FREM2: variants seen among roughly 807,000 people sequenced by gnomAD.
FREM2 encodes the protein FRAS1-related extracellular matrix protein 2.
In FREM2, 119 loss-of-function variants were observed where a neutral mutation model predicts 219.9. The ratio of observed to expected loss-of-function variants is 0.54; its 90% CI spans 0.47 to 0.63. The LOEUF (loss-of-function observed/expected upper bound fraction) is 0.63, where lower values mean the gene tolerates loss of function less well. Among genes scored for constraint, FREM2 ranks in the 30% least tolerant of loss-of-function variants. The probability of loss-of-function intolerance (pLI) is 0.00; values close to 1 mark genes in which losing one functional copy is unlikely to be tolerated. For synonymous variants in FREM2, 1,562 were observed against 1,522.8 expected, an observed-to-expected ratio of 1.03 and a Z score of -0.60; for missense variants, 4,030 against 3,993.6, an observed-to-expected ratio of 1.01 and a Z score of -0.25.
intron 4 of FREM2, among the ~76,000 whole-genome samples, chr13:38,770,910 G>A (rs1873637826): frequency 6.6e-6 from 1 of 152,090 alleles, no homozygotes; most frequent in Non-Finnish European, 1.5e-5. Flanking sequence ...TTTGAGGGCT[G>A]GCATTTATAC....
chr13:38,843,844 A>T (rs1877050106), intron 6 of FREM2, among the ~76,000 whole-genome samples: 1 of 152,074 alleles, frequency 6.6e-6, no homozygotes, highest in Non-Finnish European at 1.5e-5. Flanking sequence ...GCTGATGCTT[A>T]ACCATTTTTT....
At chr13:38,694,651 G>A (rs185753136) in intron 1 of FREM2, among the ~76,000 whole-genome samples, 2 of 152,310 alleles carry the variant, frequency 1.3e-5, no homozygotes, top group Admixed American at 1.3e-4. Flanking sequence ...GGTAGCTAGA[G>A]AAGGTTATTC....
intron 6 of FREM2, among the ~76,000 whole-genome samples, chr13:38,839,989 G>A (rs1467342423): frequency 6.6e-6 from 1 of 152,038 alleles, no homozygotes; most frequent in African/African-American, 2.4e-5. Flanking sequence ...GGTATTCTGG[G>A]CACCACTGAG....
At chr13:38,765,503 T>G (rs1459865690) in intron 3 of FREM2, among the ~76,000 whole-genome samples, 1 of 152,036 alleles carries the variant, frequency 6.6e-6, no homozygotes, top group East Asian at 1.9e-4. Context: ...AATGATTATT[T>G]TGAAATTTTA....
At chr13:38,784,451 G>A (rs1874244107) in intron 5 of FREM2, 106 bp from the exon 6 acceptor site, 4 of 1,275,532 alleles carry the variant, frequency 3.1e-6, no homozygotes, top group Non-Finnish European at 4.5e-6. Context: ...GGGTGTTCAT[G>A]TCTACTAACT....
At chr13:38,833,082 A>G (rs1876575139) in intron 6 of FREM2, among the ~76,000 whole-genome samples, 1 of 152,156 alleles carries the variant, frequency 6.6e-6, no homozygotes, top group African/African-American at 2.4e-5. Context: ...AGTGTCTTTT[A>G]ACTGCCATTG....
At chr13:38,770,433 A>G (rs995425273) in intron 4 of FREM2, among the ~76,000 whole-genome samples, 5 of 152,020 alleles carry the variant, frequency 3.3e-5, no homozygotes, top group African/African-American at 4.8e-5. Flanking sequence ...TTATAATTCT[A>G]TCATTTAATA....
At position 38,807,188 on chromosome 13, in the gene FREM2, GTTATATATATATATATAT is replaced by G. The variant is rs1297996927; in HGVS notation, c.6019+22381_6019+22398del. Among the ~76,000 whole-genome samples, 55 of 66,410 alleles carry G rather than the reference GTTATATATATATATATAT, an allele frequency of 8.3e-4. 5 individuals carry two copies. Among genetic ancestry groups the G allele is most frequent in the East Asian group, 5.8e-3 (8 of 1,384 alleles). The allele number at this position is 66,410 out of a possible 152,430, so 43.6% of individuals were successfully genotyped here. On this transcript the variant is annotated intron_variant, in intron 6 of 23. Coordinates refer to ENST00000280481, the MANE Select transcript of FREM2 (RefSeq NM_207361.6). ...ACCTTTTTGCAGAGATCTTGTCTCT[GTTATATATATATATATAT>G]ATATATATATATATATATATATGTA...
chr13:38,773,130 T>C (rs920012331), intron 4 of FREM2, among the ~76,000 whole-genome samples: 4 of 152,224 alleles, frequency 2.6e-5, no homozygotes, highest in African/African-American at 7.2e-5. Flanking sequence ...AGATTTTAAA[T>C]GACTATGTAT....
Position 38,850,172 on chromosome 13 carries a change from C to G in FREM2, c.6514C>G (p.Gln2172Glu), listed in dbSNP as rs1877318003. 6.2e-7 allele frequency: 1 copy of G among 1,614,042 alleles called. No homozygotes were observed. Among genetic ancestry groups the G allele is most frequent in the African/African-American group, 1.3e-5 (1 of 75,048 alleles). The change falls in exon 9 of 24, where the codon CAG becomes GAG. Residue 2172 changes from glutamine to glutamate, a missense_variant. Transcript: ENST00000280481. ...ATGCTACACCCGGCAGGGGTCTGCA[C>G]AGGTGATGATGGACTTTGAAGAACG... is the stretch of plus-strand genomic sequence containing the variant. The part of the protein sequence containing the change: ...VRCYTRQGSA[Q>E]VMMDFEERPN...
chr13:38,845,366 T>A (rs1877111126), intron 6 of FREM2, among the ~76,000 whole-genome samples: 1 of 152,166 alleles, frequency 6.6e-6, no homozygotes, highest in Admixed American at 6.5e-5. Flanking sequence ...CTCTGAAACA[T>A]GATATCATGT....
intron 2 of FREM2, among the ~76,000 whole-genome samples, chr13:38,720,261 T>A (rs988701594): frequency 6.6e-6 from 1 of 152,220 alleles, no homozygotes; most frequent in East Asian, 1.9e-4. Context: ...TACTACTATC[T>A]TATTGTTACT....
intron 5 of FREM2, among the ~76,000 whole-genome samples, chr13:38,783,685 T>A (rs967163678): frequency 6.6e-6 from 1 of 152,144 alleles, no homozygotes; most frequent in South Asian, 2.1e-4. Context: ...AGGAAATAAG[T>A]AGATTTTCTA....
intron 4 of FREM2, among the ~76,000 whole-genome samples, chr13:38,770,509 T>C (rs1406797567): frequency 6.6e-6 from 1 of 152,204 alleles, no homozygotes; most frequent in Non-Finnish European, 1.5e-5. Context: ...TCTTAACATA[T>C]CTTTGAAACA....
rs894207458 is a variant in FREM2 at position 38,687,743 on chromosome 13, T to C, written c.399T>C (p.Pro133=). The change falls in exon 1 of 24, where the codon CCT becomes CCC. Residue 133 remains proline, a synonymous_variant. Transcript: ENST00000280481. ...SPKRFPCDFG[P]GEVRYSHLGA... is the part of the protein sequence containing the mutation. ...AGCGCTTCCCGTGCGACTTTGGCCC[T>C]GGCGAGGTGCGCTACTCTCACCTGG... is the stretch of plus-strand genomic sequence containing the variant. The C allele has an allele frequency of 1.9e-6, 3 of 1,544,524 alleles. No individual in the cohort carries two copies. Among genetic ancestry groups the C allele is most frequent in the Non-Finnish European group, 1.8e-6 (2 of 1,142,706 alleles).
intron 11 of FREM2, among the ~76,000 whole-genome samples, chr13:38,852,658 T>A (rs1308424117): frequency 1.3e-5 from 2 of 151,836 alleles, no homozygotes; most frequent in Non-Finnish European, 2.9e-5. Flanking sequence ...CACTTAGAGA[T>A]GTCTTTCATC....
chr13:38,876,181 T>G lies in FREM2; in HGVS notation c.8409+32T>G, dbSNP rs774650154. ...GACTAAGACTCTTAATTAATTTTCTTCTGCTGCTGCCATCTGATTACACCT... is the reference window on the plus strand; with the variant it reads ...GACTAAGACTCTTAATTAATTTTCTGCTGCTGCTGCCATCTGATTACACCT... On this transcript the variant is annotated intron_variant, in intron 19 of 23. Transcript: ENST00000280481. 2.2e-5 allele frequency: 36 copies of G among 1,614,006 alleles called. No homozygotes were observed. In the South Asian group the frequency reaches 3.5e-4, roughly 16 times the overall value.
At position 38,688,977 on chromosome 13, in the gene FREM2, G is replaced by T. The variant is rs114853862; in HGVS notation, c.1633G>T (p.Val545Leu). 2 of 1,613,738 alleles carry T rather than the reference G, an allele frequency of 1.2e-6. No individual in the cohort carries two copies. Among genetic ancestry groups the T allele is most frequent in the African/African-American group, 2.7e-5 (2 of 74,914 alleles). The change falls in exon 1 of 24, where the codon GTA becomes TTA. Residue 545 changes from valine (V) to leucine (L), a missense_variant. By Grantham distance (32) the Val-to-Leu change is conservative (BLOSUM62 1). Transcript: ENST00000280481. Reference protein sequence around the residue: ...RMVDGGGRHQVQFLFPITLVP... With the variant: ...RMVDGGGRHQLQFLFPITLVP... ...GGTGGATGGAGGAGGCAGGCACCAGGTACAGTTTCTGTTCCCCATCACCTT... is the reference window on the plus strand; with the variant it reads ...GGTGGATGGAGGAGGCAGGCACCAGTTACAGTTTCTGTTCCCCATCACCTT...
chr13:38,838,682 C>T (rs757258753), intron 6 of FREM2, among the ~76,000 whole-genome samples: 3 of 152,174 alleles, frequency 2.0e-5, no homozygotes, highest in Admixed American at 6.5e-5. Flanking sequence ...TTTCTCTAAT[C>T]TTGTCTTCAC....
Sources: gnomAD v4.1 joint callset for allele counts (sites outside exome capture counted in the v4.1 genomes callset) on GRCh38, gnomAD v4.1.1 for gene constraint, MANE v1.5 for transcripts, NCBI Gene and HGNC (gene_info 2026-07-23, HGNC 2026-07-21) for gene names.